EDA: variants seen among roughly 807,000 people sequenced by gnomAD.
The protein encoded by EDA is ectodysplasin A.
A neutral mutation model predicts 23.6 loss-of-function variants in EDA; 2 were observed. The observed-to-expected ratio is 0.08, with a 90% CI of 0.03 to 0.27. The LOEUF (loss-of-function observed/expected upper bound fraction) is 0.27. EDA is among the 10% of genes least tolerant of loss of function. The probability of loss-of-function intolerance (pLI) is 1.00; values close to 1 mark genes in which losing one functional copy is unlikely to be tolerated. For missense variants in EDA, 229 were observed against 324.2 expected (o/e 0.71, Z 2.26); for synonymous variants, 131 against 132.0 (o/e 0.99, Z 0.05).
intron 1 of EDA, among the ~76,000 whole-genome samples, chrX:69,797,156 C>T (rs1290083283): frequency 9.0e-6 from 1 of 110,985 alleles, no homozygotes; most frequent in Non-Finnish European, 1.9e-5. Flanking sequence ...TTAGAAAATG[C>T]ATTTAGCAAA....
At chrX:69,994,206 C>T (rs1313219855) in intron 2 of EDA, among the ~76,000 whole-genome samples, 1 of 111,585 alleles carries the variant, frequency 9.0e-6, no homozygotes, top group African/African-American at 3.3e-5. Context: ...CTGCTTTTGG[C>T]TCTGGGATCC....
intron 1 of EDA, among the ~76,000 whole-genome samples, chrX:69,631,314 G>A (rs1932571984): frequency 9.3e-6 from 1 of 107,454 alleles, no homozygotes; most frequent in African/African-American, 3.4e-5. Flanking sequence ...CCCAAGAGGT[G>A]GAGGTTGCAG....
chrX:69,625,765 G>A (rs1235275228), intron 1 of EDA, among the ~76,000 whole-genome samples: 3 of 108,341 alleles, frequency 2.8e-5, no homozygotes, highest in African/African-American at 1.0e-4. Flanking sequence ...ATCTTGCAGA[G>A]CAAAGATTTA....
intron 1 of EDA, chrX:69,937,492 C>T (rs1445719460): frequency 3.9e-5 from 32 of 819,875 alleles, no homozygotes; most frequent in South Asian, 2.0e-5. Context: ...AGTTCTTCTT[C>T]AGGCAAGTTA....
At chrX:69,795,271 C>T (rs757728471) in intron 1 of EDA, among the ~76,000 whole-genome samples, 1 of 111,949 alleles carries the variant, frequency 8.9e-6, no homozygotes, top group Non-Finnish European at 1.9e-5. Flanking sequence ...ACTGATCCTC[C>T]TGCCTCAGCC....
intron 1 of EDA, among the ~76,000 whole-genome samples, chrX:69,725,442 G>A (rs921872151): frequency 5.4e-5 from 6 of 111,959 alleles, no homozygotes; most frequent in Non-Finnish European, 5.6e-5. Flanking sequence ...AGCATTTTTT[G>A]ACACTTGTAC....
chrX:69,785,572 T>G (rs1325686319), intron 1 of EDA, among the ~76,000 whole-genome samples: 1 of 111,068 alleles, frequency 9.0e-6, no homozygotes, highest in Non-Finnish European at 1.9e-5. Context: ...TGTCTTTGGT[T>G]CTGTTTATAT....
intron 1 of EDA, among the ~76,000 whole-genome samples, chrX:69,924,600 C>A (rs771175771): frequency 1.2e-4 from 13 of 111,519 alleles, no homozygotes; most frequent in Non-Finnish European, 2.4e-4. Context: ...CAGCTTTGTT[C>A]TTTTTACTTA....
rs1038298490 is a variant in EDA, at chrX:70,028,141, G to A, written c.706+105G>A. 45 of 1,130,893 alleles carry A rather than the reference G, an allele frequency of 4.0e-5. No homozygotes were observed. In the Admixed American group the frequency reaches 1.2e-3, roughly 31 times the overall value. The allele number at this position is 1,130,893 out of a possible 1,213,427, so 93.2% of individuals were successfully genotyped here. A position where few individuals can be genotyped will look rare whatever the true frequency, so the allele number is the denominator to read the frequency against. On this transcript the variant is annotated intron_variant, in intron 4 of 7. Coordinates refer to ENST00000374552, the MANE Select transcript of EDA (RefSeq NM_001399.5). The stretch of plus-strand genomic sequence containing the variant: ...GTTTCAAACGGTGGAGATGGGGTTG[G>A]TGTGCAATAAGGGATGCAGATCTCC...
chrX:69,788,614 G>A (rs898718559), intron 1 of EDA, among the ~76,000 whole-genome samples: 5 of 112,184 alleles, frequency 4.5e-5, no homozygotes, highest in Non-Finnish European at 9.4e-5. Context: ...AGGGGTCAGG[G>A]GTCAGGGAGC....
intron 1 of EDA, among the ~76,000 whole-genome samples, chrX:69,655,766 A>ATATATATATATATG (rs1383875507): frequency 3.6e-5 from 3 of 84,219 alleles, no homozygotes; most frequent in Admixed American, 1.4e-4. Flanking sequence ...TAGAATCTAT[A>ATATATATATATATG]TATATATATA....
intron 1 of EDA, among the ~76,000 whole-genome samples, chrX:69,843,891 G>A (rs756554977): frequency 1.8e-5 from 2 of 108,711 alleles, no homozygotes; most frequent in Non-Finnish European, 1.9e-5. Context: ...GCGTGGTGGC[G>A]GGGGCCTGTA....
At chrX:69,987,059 G>T (rs2019502817) in intron 2 of EDA, among the ~76,000 whole-genome samples, 1 of 79,034 alleles carries the variant, frequency 1.3e-5, no homozygotes, top group Non-Finnish European at 2.3e-5. Context: ...TCACTCATAG[G>T]TGGGAATTGA....
At chrX:69,751,541 A>T (rs2013866130) in intron 1 of EDA, among the ~76,000 whole-genome samples, 1 of 111,849 alleles carries the variant, frequency 8.9e-6, no homozygotes, top group African/African-American at 3.3e-5. Flanking sequence ...ACTTTAAAGT[A>T]GTTTTTTCCA....
chrX:69,753,458 C>T (rs1034129243), intron 1 of EDA, among the ~76,000 whole-genome samples: 2 of 111,883 alleles, frequency 1.8e-5, no homozygotes, highest in Non-Finnish European at 3.8e-5. Flanking sequence ...GTTATAATTT[C>T]TGTTCTTTTA....
At chrX:69,755,108 G>A (rs1002605480) in intron 1 of EDA, among the ~76,000 whole-genome samples, 1 of 112,223 alleles carries the variant, frequency 8.9e-6, no homozygotes, top group African/African-American at 3.2e-5. Flanking sequence ...CTGGTGAGGA[G>A]CTGAGTTCCT....
chrX:69,835,561 A>G (rs1000358687), intron 1 of EDA, among the ~76,000 whole-genome samples: 7 of 111,837 alleles, frequency 6.3e-5, no homozygotes, highest in African/African-American at 2.3e-4. Context: ...TTTCAGCTCC[A>G]TCAGGTCATT....
chrX:70,007,681 T>C (rs1457231800), intron 2 of EDA, among the ~76,000 whole-genome samples: 1 of 111,254 alleles, frequency 9.0e-6, no homozygotes, highest in African/African-American at 3.3e-5. Flanking sequence ...ATAGACAAAG[T>C]TGGGAAAAAG....
chrX:69,782,074 A>G (rs1025791462), intron 1 of EDA, among the ~76,000 whole-genome samples: 13 of 109,840 alleles, frequency 1.2e-4, no homozygotes, highest in African/African-American at 4.0e-4. Flanking sequence ...AGAATCTGCA[A>G]TGCTCACTTT....
Sources: allele counts gnomAD v4.1 joint callset (sites outside exome capture counted in the v4.1 genomes callset), GRCh38; gene constraint gnomAD v4.1.1; transcripts MANE v1.5; gene names NCBI Gene and HGNC (gene_info 2026-07-23, HGNC 2026-07-21).